ZNF560: variants seen among roughly 807,000 people sequenced by gnomAD.
ZNF560 encodes the protein zinc finger protein 560.
Under a neutral mutation model 81.8 loss-of-function variants are expected in ZNF560, and 54 were observed. The ratio of observed to expected loss-of-function variants is 0.66; its 90% CI spans 0.53 to 0.83. The LOEUF (loss-of-function observed/expected upper bound fraction) is 0.83. Among genes scored for constraint, ZNF560 ranks in the 40% least tolerant of loss-of-function variants. The pLI is 0.00. For synonymous variants in ZNF560, 321 were observed against 317.9 expected (o/e 1.01, Z -0.10); for missense variants, 940 against 932.4 (o/e 1.01, Z -0.11).
At chr19:9,480,920 C>T (rs913062850) in intron 2 of ZNF560, among the ~76,000 whole-genome samples, 17 of 151,870 alleles carry the variant, frequency 1.1e-4, no homozygotes, top group African/African-American at 4.1e-4. Context: ...ACCCTCTCTA[C>T]AAAAAATACA....
At chr19:9,455,482 A>G in the ZNF560 span, among the ~76,000 whole-genome samples, 1 of 152,224 alleles carries the variant, frequency 6.6e-6, no homozygotes, top group Non-Finnish European at 1.5e-5. Context: ...CATTAGACGC[A>G]CAAGTGGTCA....
At chr19:9,448,836 A>G in the ZNF560 span, among the ~76,000 whole-genome samples, 1 of 152,184 alleles carries the variant, frequency 6.6e-6, no homozygotes, top group Admixed American at 6.5e-5. Flanking sequence ...AAAGTGGGAG[A>G]AAGAGCTATC....
chr19:9,470,729 C>T (rs1599652739), intron 6 of ZNF560, among the ~76,000 whole-genome samples: 1 of 152,222 alleles, frequency 6.6e-6, no homozygotes, highest in Non-Finnish European at 1.5e-5. Context: ...ACCTCTTACA[C>T]AGAAACTTAT....
chr19:9,475,427 G>T, intron 2 of ZNF560, 58 bp from the exon 3 acceptor site: 1 of 983,554 alleles, frequency 1.0e-6, no homozygotes, highest in Non-Finnish European at 1.5e-6. Flanking sequence ...ACATTCGCAT[G>T]CATGGAAGTT....
chr19:9,458,561 A>T, the ZNF560 span, among the ~76,000 whole-genome samples: 102,668 of 152,166 alleles, frequency 0.67, 35,714 homozygotes, highest in African/African-American at 0.84. Context: ...TCCACACATA[A>T]GAGCAACTGA....
At position 9,484,778 on chromosome 19, in the gene ZNF560, A is replaced by C. The variant is rs1233351261; in HGVS notation, c.-56-9409T>G. ...AGCCTGGGCGACAGAGCAAGACTCC[A>C]TCTCAAAAAATAAGTAAATAAGTAA... On this transcript the variant is annotated intron_variant, in intron 2 of 9. Coordinates refer to ENST00000301480, the MANE Select transcript of ZNF560 (RefSeq NM_152476.3). Among the ~76,000 whole-genome samples the C allele has an allele frequency of 2.0e-5, 3 of 151,886 alleles. No homozygotes were observed. The East Asian group carries it at 5.8e-4, about 29-fold the overall frequency.
chr19:9,489,645 A>G (rs922220706), intron 2 of ZNF560, among the ~76,000 whole-genome samples: 1 of 151,952 alleles, frequency 6.6e-6, no homozygotes, highest in Admixed American at 6.5e-5. Flanking sequence ...GCTGGAGTGC[A>G]GTGGCGTGAC....
chr19:9,463,233 T>C (rs566398107), downstream of ZNF560, among the ~76,000 whole-genome samples: 6 of 152,274 alleles, frequency 3.9e-5, no homozygotes, highest in African/African-American at 1.4e-4. Flanking sequence ...CAAGTGATTT[T>C]ATATAAACAA....
upstream of ZNF560, among the ~76,000 whole-genome samples, chr19:9,501,759 C>G (rs1258452560): frequency 6.6e-6 from 1 of 151,816 alleles, no homozygotes; most frequent in East Asian, 1.9e-4. Flanking sequence ...CTGGGCCTCC[C>G]AAAGTGCTAG....
intron 2 of ZNF560, among the ~76,000 whole-genome samples, chr19:9,488,851 A>G (rs2073425528): frequency 6.6e-6 from 1 of 152,260 alleles, no homozygotes; most frequent in Admixed American, 6.5e-5. Context: ...TCATGGGGGC[A>G]GATTTCTCAT....
chr19:9,458,519 TAC>T, the ZNF560 span, among the ~76,000 whole-genome samples: 1 of 152,238 alleles, frequency 6.6e-6, no homozygotes, highest in Non-Finnish European at 1.5e-5. Flanking sequence ...TATGTGGTTC[TAC>T]ACAGTTAGTT....
At chr19:9,456,556 G>A in the ZNF560 span, among the ~76,000 whole-genome samples, 1 of 152,092 alleles carries the variant, frequency 6.6e-6, no homozygotes, top group African/African-American at 2.4e-5. Context: ...TCCTACCTGT[G>A]AAAAAACTAT....
At chr19:9,505,343 T>G in the ZNF560 span, among the ~76,000 whole-genome samples, 1 of 152,228 alleles carries the variant, frequency 6.6e-6, no homozygotes, top group East Asian at 1.9e-4. Flanking sequence ...CCAATTATCT[T>G]TTGGTTGCTA....
At chr19:9,501,327 TTGTGTGTG>T (rs71185606), upstream of ZNF560, among the ~76,000 whole-genome samples, 34,051 of 108,824 alleles carry the variant, frequency 0.31, 5,696 homozygotes, top group Non-Finnish European at 0.38. Flanking sequence ...CCTGGCTACT[TTGTGTGTG>T]TGTGTGTGTG....
At chr19:9,449,595 C>A in the ZNF560 span, among the ~76,000 whole-genome samples, 1 of 152,054 alleles carries the variant, frequency 6.6e-6, no homozygotes, top group African/African-American at 2.4e-5. Context: ...AAGGAACATA[C>A]CTCAAAATAA....
chr19:9,497,830 G>A (rs573692642), intron 2 of ZNF560, among the ~76,000 whole-genome samples: 1 of 152,254 alleles, frequency 6.6e-6, no homozygotes, highest in East Asian at 1.9e-4. Context: ...CTTCCAGGAA[G>A]CCTGGTTATG....
chr19:9,469,279 C>G, intron 8 of ZNF560, 92 bp from the exon 9 acceptor site: 4 of 1,026,842 alleles, frequency 3.9e-6, no homozygotes, highest in Non-Finnish European at 5.6e-6. Context: ...TTATATATGT[C>G]TAAAATTTGG....
At position 9,469,086 on chromosome 19, in the gene ZNF560, G is replaced by T. The variant is rs1242648527; in HGVS notation, c.612+19C>A. 4 of 1,546,384 alleles carry T rather than the reference G, an allele frequency of 2.6e-6. No homozygotes were observed. The highest frequency in any genetic ancestry group is 3.4e-4 in the Middle Eastern group (2 of 5,944). On this transcript the variant is annotated intron_variant, in intron 9 of 9. Transcript: ENST00000301480. Reference sequence around the variant, plus strand: ...TTCTCTGAATGTGAAAAATAAGAAAGTTCTTTTGTTAATCTTACCAACTGT... The same window carrying T: ...TTCTCTGAATGTGAAAAATAAGAAATTTCTTTTGTTAATCTTACCAACTGT...
At chr19:9,457,201 G>C in the ZNF560 span, among the ~76,000 whole-genome samples, 5 of 152,318 alleles carry the variant, frequency 3.3e-5, no homozygotes, top group African/African-American at 1.2e-4. Context: ...GGTAAATGGA[G>C]AATGTTAACT....
Sources: allele counts gnomAD v4.1 joint callset (sites outside exome capture counted in the v4.1 genomes callset), GRCh38; gene constraint gnomAD v4.1.1; transcripts MANE v1.5; gene names NCBI Gene and HGNC (gene_info 2026-07-23, HGNC 2026-07-21).